The following AP3B1 variants were observed in gnomAD, a reference collection of about 807,000 sequenced individuals.
The protein encoded by AP3B1 is AP-3 complex subunit beta-1.
Under a neutral mutation model 132.5 loss-of-function variants are expected in AP3B1, and 61 were observed. That is an observed-to-expected ratio of 0.46 (90% confidence interval 0.37 to 0.57). The LOEUF is 0.57. Among genes scored for constraint, AP3B1 ranks in the 20% least tolerant of loss-of-function variants. AP3B1 has a pLI of 0.00. For missense variants in AP3B1, 1,120 were observed against 1,289.4 expected (o/e 0.87, Z 2.01); for synonymous variants, 388 against 438.3 (o/e 0.89, Z 1.43).
intron 20 of AP3B1, among the ~76,000 whole-genome samples, chr5:78,105,763 C>A (rs183658431): frequency 6.6e-6 from 1 of 152,278 alleles, no homozygotes; most frequent in Admixed American, 6.5e-5. Flanking sequence ...ATAACTAAAA[C>A]AAGGAAATTT....
At chr5:78,214,427 G>A (rs1030110098) in intron 7 of AP3B1, among the ~76,000 whole-genome samples, 3 of 152,000 alleles carry the variant, frequency 2.0e-5, no homozygotes, top group African/African-American at 7.3e-5. Flanking sequence ...TTTACTACGG[G>A]TTACATATTT....
intron 2 of AP3B1, among the ~76,000 whole-genome samples, chr5:78,261,070 A>T (rs1000355027): frequency 1.3e-5 from 2 of 152,362 alleles, no homozygotes; most frequent in Non-Finnish European, 2.9e-5. Flanking sequence ...TGCTACGAAC[A>T]CTGATGTAGA....
intron 6 of AP3B1, among the ~76,000 whole-genome samples, chr5:78,219,132 G>A (rs1415831127): frequency 6.6e-6 from 1 of 151,894 alleles, no homozygotes; most frequent in Non-Finnish European, 1.5e-5. Flanking sequence ...ATCAAAAAGA[G>A]GAAATTTTAT....
chr5:78,246,474 A>T (rs909714397), intron 2 of AP3B1, among the ~76,000 whole-genome samples: 1 of 152,220 alleles, frequency 6.6e-6, no homozygotes, highest in Non-Finnish European at 1.5e-5. Flanking sequence ...CTTATGTAGA[A>T]CTGAACGTTC....
intron 7 of AP3B1, among the ~76,000 whole-genome samples, chr5:78,210,599 G>A (rs1000699406): frequency 3.3e-5 from 5 of 151,938 alleles, no homozygotes; most frequent in African/African-American, 4.8e-5. Flanking sequence ...AAAAAATAAT[G>A]GTAAATATTT....
intron 1 of AP3B1, among the ~76,000 whole-genome samples, chr5:78,293,922 A>C (rs937257118): frequency 6.6e-6 from 1 of 152,220 alleles, no homozygotes; most frequent in Non-Finnish European, 1.5e-5. Context: ...TGCAAAGGAC[A>C]TAATCCAAGA....
At chr5:78,206,624 A>G (rs990160671) in intron 7 of AP3B1, among the ~76,000 whole-genome samples, 1 of 152,178 alleles carries the variant, frequency 6.6e-6, no homozygotes, top group Non-Finnish European at 1.5e-5. Context: ...CACGAAATCA[A>G]TCAAACAGAA....
chr5:78,014,189 G>A (rs1233034191), intron 26 of AP3B1, among the ~76,000 whole-genome samples: 2 of 150,650 alleles, frequency 1.3e-5, no homozygotes, highest in Admixed American at 1.3e-4. Context: ...ATGAAAGCAT[G>A]AGACCTCTTG....
At chr5:78,200,933 G>A (rs901852613) in intron 7 of AP3B1, among the ~76,000 whole-genome samples, 3 of 152,002 alleles carry the variant, frequency 2.0e-5, no homozygotes, top group African/African-American at 7.3e-5. Context: ...TTAAAGAGGT[G>A]TTTACATTAA....
intron 11 of AP3B1, among the ~76,000 whole-genome samples, chr5:78,169,294 C>T (rs952927619): frequency 2.0e-5 from 3 of 152,128 alleles, no homozygotes; most frequent in African/African-American, 7.2e-5. Flanking sequence ...CCCAATCAAC[C>T]TGCCAACCAA....
Position 78,222,407 on chromosome 5 carries a change from A to G in AP3B1, c.603+3135T>C, listed in dbSNP as rs148373046. On this transcript the variant is annotated intron_variant, in intron 6 of 26. Coordinates refer to ENST00000255194, the MANE Select transcript of AP3B1 (RefSeq NM_003664.5). ...CATTAAAGTAGAGGAGACCCAGGAG[A>G]AGAGAACCATCTGGAAGCAGTTTAG... 210 of 153,028 alleles carry G rather than the reference A, an allele frequency of 1.4e-3. 1 individual carries two copies. Among genetic ancestry groups the G allele is most frequent in the South Asian group, 3.9e-3 (19 of 4,822 alleles). The allele number at this position is 153,028 out of a possible 1,614,324, so 9.5% of individuals were successfully genotyped here. A position where few individuals can be genotyped will look rare whatever the true frequency, so the allele number is the denominator to read the frequency against.
chr5:78,033,656 A>G (rs1747674368), intron 24 of AP3B1, among the ~76,000 whole-genome samples: 1 of 152,002 alleles, frequency 6.6e-6, no homozygotes, highest in South Asian at 2.1e-4. Context: ...TCAGAAAAAG[A>G]AAAGAGTTCA....
At chr5:78,100,634 A>G (rs979409891) in intron 21 of AP3B1, among the ~76,000 whole-genome samples, 1 of 152,208 alleles carries the variant, frequency 6.6e-6, no homozygotes, top group African/African-American at 2.4e-5. Flanking sequence ...CCCATAATCC[A>G]CATTTCACAA....
chr5:78,065,666 C>T (rs1192722063), intron 22 of AP3B1, among the ~76,000 whole-genome samples: 1 of 152,116 alleles, frequency 6.6e-6, no homozygotes, highest in African/African-American at 2.4e-5. Flanking sequence ...TCTGATCTCC[C>T]TGGAACAAAG....
intron 3 of AP3B1, among the ~76,000 whole-genome samples, chr5:78,236,956 TA>T (rs1746903894): frequency 6.6e-6 from 1 of 152,192 alleles, no homozygotes; most frequent in African/African-American, 2.4e-5. Flanking sequence ...ACATAGTGTT[TA>T]ATAAATATCT....
At chr5:78,268,149 A>G (rs1748403794) in intron 1 of AP3B1, among the ~76,000 whole-genome samples, 1 of 152,198 alleles carries the variant, frequency 6.6e-6, no homozygotes, top group African/African-American at 2.4e-5. Context: ...GTCTCTGAGA[A>G]CATACAACTA....
intron 7 of AP3B1, among the ~76,000 whole-genome samples, chr5:78,188,265 G>A (rs538095743): frequency 1.2e-4 from 18 of 152,236 alleles, no homozygotes; most frequent in South Asian, 2.1e-4. Context: ...CTTCTGCACC[G>A]CAAACAAAAC....
At chr5:78,265,918 C>T (rs1748303309) in intron 2 of AP3B1, among the ~76,000 whole-genome samples, 1 of 152,170 alleles carries the variant, frequency 6.6e-6, no homozygotes, top group Admixed American at 6.6e-5. Flanking sequence ...TGGGCAAATG[C>T]CTCTTTCAAT....
chr5:78,241,999 G>T (rs1747158960), intron 2 of AP3B1, among the ~76,000 whole-genome samples: 1 of 151,988 alleles, frequency 6.6e-6, no homozygotes, highest in South Asian at 2.1e-4. Context: ...TCCTAGCATG[G>T]GTCAGTATCA....
Sources: allele counts gnomAD v4.1 joint callset (sites outside exome capture counted in the v4.1 genomes callset), GRCh38; gene constraint gnomAD v4.1.1; transcripts MANE v1.5; gene names NCBI Gene and HGNC (gene_info 2026-07-23, HGNC 2026-07-21).